Variants in DET1 observed in about 807,000 individuals in gnomAD.
DET1 encodes DET1 homolog.
DET1 carries 22 observed loss-of-function variants against 43.7 expected under a neutral mutation model. That is an observed-to-expected ratio of 0.50 (90% confidence interval 0.36 to 0.72). The LOEUF (loss-of-function observed/expected upper bound fraction) is 0.72. Among genes scored for constraint, DET1 ranks in the 30% least tolerant of loss-of-function variants. DET1 has a pLI of 0.00. For synonymous variants in DET1, 315 were observed against 266.2 expected (o/e 1.18, Z -1.79); for missense variants, 713 against 713.3 (o/e 1.00, Z 0.00).
At chr15:88,522,074 T>C (rs2056506121) in intron 3 of DET1, among the ~76,000 whole-genome samples, 1 of 152,164 alleles carries the variant, frequency 6.6e-6, no homozygotes, top group Non-Finnish European at 1.5e-5. Context: ...TTATATAGTA[T>C]TTACACCATA....
rs1164827143 is a variant in DET1, at chr15:88,504,384, T to A, written c.*2066-397A>T. 6.6e-6 allele frequency: 1 copy of A among 152,192 alleles called. No individual in the cohort carries two copies. The highest frequency in any genetic ancestry group is 2.4e-5 in the African/African-American group (1 of 41,452). 9.4% of individuals were successfully genotyped at this position (152,192 alleles called of 1,614,324 possible). On this transcript the variant is annotated intron_variant and NMD_transcript_variant, in intron 7 of 8. Coordinates refer to the DET1 transcript ENST00000557842. This position sits in a 1 kb window ranked among gnomAD's most constrained non-coding sequence, Gnocchi z 4.7. Reference sequence around the variant, plus strand: ...ATGATACGATGTGGGAGGGCATGAATATAGAAGGTAGGGTCACTGTAGGCC... The same window carrying A: ...ATGATACGATGTGGGAGGGCATGAAAATAGAAGGTAGGGTCACTGTAGGCC...
intron 1 of DET1, among the ~76,000 whole-genome samples, chr15:88,545,416 G>T (rs2057224622): frequency 6.6e-6 from 1 of 152,030 alleles, no homozygotes; most frequent in Admixed American, 6.5e-5. Context: ...ACCATTCTTA[G>T]TCATAAAAGA....
At chr15:88,545,831 A>C (rs2057238715) in intron 1 of DET1, among the ~76,000 whole-genome samples, 2 of 150,558 alleles carry the variant, frequency 1.3e-5, no homozygotes, top group South Asian at 4.3e-4. Flanking sequence ...TTCCTCAAGG[A>C]CTTAACTTGT....
At chr15:88,544,382 A>G (rs1450096544) in intron 1 of DET1, among the ~76,000 whole-genome samples, 3 of 152,174 alleles carry the variant, frequency 2.0e-5, no homozygotes. Flanking sequence ...AAAATCATGT[A>G]TGGGAGGGCG....
chr15:88,532,522 C>A (rs531863658), intron 1 of DET1, among the ~76,000 whole-genome samples: 1 of 152,086 alleles, frequency 6.6e-6, no homozygotes, highest in Non-Finnish European at 1.5e-5. Context: ...TGAAAAAGAA[C>A]AAAGAGGATT....
At chr15:88,519,954 C>T (rs534258708) in intron 3 of DET1, among the ~76,000 whole-genome samples, 10 of 152,284 alleles carry the variant, frequency 6.6e-5, no homozygotes, top group Admixed American at 3.3e-4. Flanking sequence ...CCAATGGCAT[C>T]GCTTACTTTG....
intron 3 of DET1, among the ~76,000 whole-genome samples, chr15:88,517,770 G>T (rs145054803): frequency 6.6e-6 from 1 of 151,994 alleles, no homozygotes; most frequent in Non-Finnish European, 1.5e-5. Flanking sequence ...AATAAATTAC[G>T]CATTCTTTGT....
In DET1 at chr15:88,504,918, C is replaced by A. The variant is rs2056124236; in HGVS notation, c.*2066-931G>T. The A allele has an allele frequency of 6.6e-6, 1 of 152,214 alleles. No individual in the cohort carries two copies. The highest frequency in any genetic ancestry group is 2.4e-5 in the African/African-American group (1 of 41,440). The allele number at this position is 152,214 out of a possible 1,614,324, so 9.4% of individuals were successfully genotyped here. On this transcript the variant is annotated intron_variant and NMD_transcript_variant, in intron 7 of 8. Transcript: ENST00000557842. This position sits in a 1 kb window ranked among gnomAD's most constrained non-coding sequence, Gnocchi z 4.7. ...TGCATGCATACCACGCCTTCAATTT[C>A]TAGGGACCTATGCGTATAACAAATT...
chr15:88,543,706 C>G (rs1413625814), intron 1 of DET1, among the ~76,000 whole-genome samples: 14 of 152,202 alleles, frequency 9.2e-5, no homozygotes, highest in Admixed American at 8.5e-4. Flanking sequence ...CACTCAGGCT[C>G]TCCGATGGGG....
intron 3 of DET1, among the ~76,000 whole-genome samples, chr15:88,525,029 A>G (rs1390771564): frequency 6.6e-6 from 1 of 152,216 alleles, no homozygotes; most frequent in East Asian, 1.9e-4. Flanking sequence ...TCAACAAAAT[A>G]TGTTAGCATA....
chr15:88,515,956 G>A (rs1230530551), intron 4 of DET1, among the ~76,000 whole-genome samples: 1 of 152,104 alleles, frequency 6.6e-6, no homozygotes, highest in Non-Finnish European at 1.5e-5. Flanking sequence ...CTAGTTTTTG[G>A]AACTTGACTC....
intron 1 of DET1, among the ~76,000 whole-genome samples, chr15:88,543,855 A>T (rs2057176888): frequency 6.6e-6 from 1 of 152,198 alleles, no homozygotes; most frequent in Non-Finnish European, 1.5e-5. Flanking sequence ...GCAGCTCTCC[A>T]GTGCACAACC....
chr15:88,535,615 G>T (rs961371819), intron 1 of DET1, among the ~76,000 whole-genome samples: 1 of 151,970 alleles, frequency 6.6e-6, no homozygotes, highest in Non-Finnish European at 1.5e-5. Context: ...AAGTAGCCGG[G>T]CACAGTGGTG....
intron 1 of DET1, among the ~76,000 whole-genome samples, chr15:88,537,725 A>G (rs2056990229): frequency 6.6e-6 from 1 of 152,174 alleles, no homozygotes; most frequent in South Asian, 2.1e-4. Context: ...CCCTTCTTGA[A>G]CACTGGACCT....
intron 1 of DET1, among the ~76,000 whole-genome samples, chr15:88,544,055 A>G (rs1598354620): frequency 6.6e-6 from 1 of 152,142 alleles, no homozygotes; most frequent in Non-Finnish European, 1.5e-5. Context: ...CAAAAATGAA[A>G]CTGCCAATAC....
At chr15:88,519,726 C>T (rs2056439375) in intron 3 of DET1, among the ~76,000 whole-genome samples, 1 of 152,144 alleles carries the variant, frequency 6.6e-6, no homozygotes, top group South Asian at 2.1e-4. Context: ...AAACTACAGC[C>T]TCCAGTTAAG....
At chr15:88,521,295 C>A (rs182116657) in intron 3 of DET1, among the ~76,000 whole-genome samples, 1 of 152,354 alleles carries the variant, frequency 6.6e-6, no homozygotes, top group East Asian at 1.9e-4. Flanking sequence ...GCTTTCTCAA[C>A]CACCACCTCC....
chr15:88,545,080 TG>T (rs2057213232), intron 1 of DET1, among the ~76,000 whole-genome samples: 1 of 152,154 alleles, frequency 6.6e-6, no homozygotes, highest in Non-Finnish European at 1.5e-5. Flanking sequence ...TTTTCTGCCC[TG>T]ATTGGACATG....
intron 1 of DET1, among the ~76,000 whole-genome samples, chr15:88,541,733 T>G (rs960020635): frequency 6.6e-6 from 1 of 152,166 alleles, no homozygotes; most frequent in Non-Finnish European, 1.5e-5. Context: ...TGATTAGAAA[T>G]CCTCCTCCAT....
Sources: gnomAD v4.1 joint callset for allele counts (sites outside exome capture counted in the v4.1 genomes callset) on GRCh38, gnomAD v4.1.1 for gene constraint, Gnocchi (gnomAD v3.1) non-coding constraint, MANE v1.5 for transcripts, NCBI Gene and HGNC (gene_info 2026-07-23, HGNC 2026-07-21) for gene names.